Variants in MCM5 observed in about 807,000 individuals in gnomAD.
MCM5 encodes the protein minichromosome maintenance complex component 5.
Under a neutral mutation model 79.9 loss-of-function variants are expected in MCM5, and 46 were observed. That is an observed-to-expected ratio of 0.58 (90% confidence interval 0.45 to 0.74). MCM5 has a LOEUF of 0.74. MCM5 is among the 30% of genes least tolerant of loss of function. MCM5 has a pLI of 0.00. For synonymous variants in MCM5, 404 were observed against 390.5 expected (o/e 1.03, Z -0.41); for missense variants, 883 against 1,017.0 (o/e 0.87, Z 1.79).
chr22:35,454,541 G>A, the MCM5 span, among the ~76,000 whole-genome samples: 1 of 152,142 alleles, frequency 6.6e-6, no homozygotes, highest in Non-Finnish European at 1.5e-5. Context: ...ACAGCCTGCA[G>A]AAGGTGGACA....
intron 10 of MCM5, 116 bp from the exon 11 acceptor site, chr22:35,416,222 TG>T: frequency 9.3e-7 from 1 of 1,074,968 alleles, no homozygotes; most frequent in Non-Finnish European, 1.4e-6. Context: ...TTGCTGCCAT[TG>T]GCCTTGCGTG....
chr22:35,427,496 A>AT (rs753028521), downstream of MCM5, among the ~76,000 whole-genome samples: 11,622 of 133,540 alleles, frequency 0.087, 557 homozygotes, highest in East Asian at 0.15. Flanking sequence ...TATTTAACAC[A>AT]TTTTTTTTTT....
intron 4 of MCM5, among the ~76,000 whole-genome samples, chr22:35,405,238 G>A (rs1473654405): frequency 6.6e-6 from 1 of 151,850 alleles, no homozygotes; most frequent in Non-Finnish European, 1.5e-5. Context: ...GGCTGGTCTC[G>A]AACTCCTGAC....
At position 35,424,141 on chromosome 22, in the gene MCM5, T is replaced by A; in HGVS notation, c.2104-13T>A. The A allele has an allele frequency of 4.6e-6, 7 of 1,532,066 alleles. No homozygotes were observed. The highest frequency in any genetic ancestry group is 4.4e-6 in the Non-Finnish European group (5 of 1,130,508). The allele number at this position is 1,532,066 out of a possible 1,614,324, so 94.9% of individuals were successfully genotyped here. ...GGCAGCACGTGCCGTTAGCCAGCCATGTGCTCCCACAGAAATACCCGGAGC... is the reference window on the plus strand; with the variant it reads ...GGCAGCACGTGCCGTTAGCCAGCCAAGTGCTCCCACAGAAATACCCGGAGC... On this transcript the variant is annotated splice_polypyrimidine_tract_variant and intron_variant, in intron 16 of 16. Transcript: ENST00000216122.
intron 12 of MCM5, 103 bp downstream of exon 12, chr22:35,416,917 C>T: frequency 7.5e-7 from 1 of 1,340,816 alleles, no homozygotes; most frequent in Admixed American, 1.8e-5. Flanking sequence ...CTGGCAAAGT[C>T]CTGACTGTCA....
intron 16 of MCM5, 26 bp from the exon 17 acceptor site, chr22:35,424,128 C>T (rs775177156): frequency 5.5e-5 from 83 of 1,501,822 alleles, no homozygotes; most frequent in Non-Finnish European, 6.9e-5. Context: ...CAGCACGTGC[C>T]GTTAGCCAGC....
At chr22:35,408,711 T>C in intron 6 of MCM5, 148 bp downstream of exon 6, 1 of 779,814 alleles carries the variant, frequency 1.3e-6, no homozygotes, top group Non-Finnish European at 2.0e-6. Context: ...CTGTGCCTAA[T>C]GCTTCCATAA....
intron 13 of MCM5, among the ~76,000 whole-genome samples, chr22:35,418,666 A>AT (rs1176766685): frequency 2.4e-4 from 30 of 124,814 alleles, no homozygotes; most frequent in East Asian, 4.4e-4. Context: ...TCTCAAAAAA[A>AT]AAAAATATAT....
At chr22:35,436,761 G>A in the MCM5 span, among the ~76,000 whole-genome samples, 1 of 152,192 alleles carries the variant, frequency 6.6e-6, no homozygotes, top group Non-Finnish European at 1.5e-5. Context: ...TAGGAAGGCA[G>A]CCTGGCTGTA....
At chr22:35,445,722 G>T in the MCM5 span, among the ~76,000 whole-genome samples, 7,397 of 152,136 alleles carry the variant, frequency 0.049, 517 homozygotes, top group African/African-American at 0.15. Flanking sequence ...TGTTGGCCAG[G>T]ATGGTCTTGA....
At position 35,419,990 on chromosome 22, in the gene MCM5, T is replaced by C. The variant is rs763400644; in HGVS notation, c.1810T>C (p.Ser604Pro). 2 of 1,612,130 alleles carry C rather than the reference T, an allele frequency of 1.2e-6. No homozygotes were observed. Among genetic ancestry groups the C allele is most frequent in the South Asian group, 2.2e-5 (2 of 90,740 alleles). Reference sequence around the variant, plus strand: ...GCACGAGAGGGACAGTGACCGCCGCTCCAGCATCCCCATCACTGTGCGGTG... The same window carrying C: ...GCACGAGAGGGACAGTGACCGCCGCCCCAGCATCCCCATCACTGTGCGGTG... ...RQHERDSDRR[S>P]SIPITVRQLE... The change falls in exon 14 of 17, where the codon TCC (serine) becomes CCC (proline). Residue 604 changes from serine (S) to proline (P), a missense_variant. By Grantham distance (74) the Ser-to-Pro change is moderately conservative (BLOSUM62 -1). This residue lies in a region of MCM5 where 426 missense variants were observed against 482.3 expected (regional missense o/e 0.88). Coordinates refer to ENST00000216122, the MANE Select transcript of MCM5 (RefSeq NM_006739.4).
intron 14 of MCM5, among the ~76,000 whole-genome samples, chr22:35,420,420 A>G (rs1319136960): frequency 1.3e-5 from 2 of 152,214 alleles, no homozygotes; most frequent in South Asian, 2.1e-4. Flanking sequence ...TTTGTAGACA[A>G]TACAGTGGGT....
At chr22:35,444,900 C>G in the MCM5 span, among the ~76,000 whole-genome samples, 9 of 152,310 alleles carry the variant, frequency 5.9e-5, no homozygotes, top group East Asian at 1.7e-3. Context: ...CACGCATGCT[C>G]CCCTCTCCTT....
chr22:35,430,136 T>C (rs1932803010), downstream of MCM5, among the ~76,000 whole-genome samples: 1 of 152,202 alleles, frequency 6.6e-6, no homozygotes, highest in Non-Finnish European at 1.5e-5. Flanking sequence ...TTGAGCATGG[T>C]ACCTTTCAGG....
intron 13 of MCM5, among the ~76,000 whole-genome samples, chr22:35,418,351 C>G (rs1328558475): frequency 6.6e-6 from 1 of 152,100 alleles, no homozygotes; most frequent in African/African-American, 2.4e-5. Context: ...CACAGATTTT[C>G]AATAATAATA....
the MCM5 span, among the ~76,000 whole-genome samples, chr22:35,434,548 C>G: frequency 6.6e-6 from 1 of 152,194 alleles, no homozygotes; most frequent in Non-Finnish European, 1.5e-5. Flanking sequence ...TTGGTCAGGT[C>G]CAGATCATTT....
intron 15 of MCM5, 167 bp from the exon 16 acceptor site, chr22:35,423,047 C>T: frequency 1.8e-6 from 1 of 567,078 alleles, no homozygotes; most frequent in South Asian, 3.0e-5. Flanking sequence ...TGTGCCATAT[C>T]CTGTCTCCTC....
chr22:35,444,975 C>T, the MCM5 span, among the ~76,000 whole-genome samples: 2 of 152,272 alleles, frequency 1.3e-5, no homozygotes, highest in African/African-American at 4.8e-5. Flanking sequence ...CTCCCAGACT[C>T]CTCTGCGGCC....
At chr22:35,412,003 A>G (rs1367359406) in intron 7 of MCM5, among the ~76,000 whole-genome samples, 3 of 151,874 alleles carry the variant, frequency 2.0e-5, no homozygotes, top group Non-Finnish European at 2.9e-5. Flanking sequence ...CATCCCCCAC[A>G]TCTAATCACT....
Sources: gnomAD v4.1 joint callset for allele counts (sites outside exome capture counted in the v4.1 genomes callset) on GRCh38, gnomAD v4.1.1 for gene constraint, gnomAD v4.1.1 regional missense constraint, MANE v1.5 for transcripts, NCBI Gene and HGNC (gene_info 2026-07-23, HGNC 2026-07-21) for gene names.